SLC25A13: variants seen among roughly 807,000 people sequenced by gnomAD.
SLC25A13 encodes electrogenic aspartate/glutamate antiporter SLC25A13, mitochondrial.
In SLC25A13, 70 loss-of-function variants were observed where a neutral mutation model predicts 85.5. The observed-to-expected ratio is 0.82, with a 90% CI of 0.68 to 1.00. SLC25A13 has a LOEUF of 1.00. Among genes scored for constraint, SLC25A13 ranks in the 50% least tolerant of loss-of-function variants. The pLI, the probability that SLC25A13 is intolerant of heterozygous loss-of-function variation, is 0.00. For missense variants in SLC25A13, 765 were observed against 819.8 expected (o/e 0.93, Z 0.82); for synonymous variants, 259 against 288.7 (o/e 0.90, Z 1.04).
chr7:96,137,075 CT>C (rs1792318223), intron 14 of SLC25A13, among the ~76,000 whole-genome samples: 1 of 152,176 alleles, frequency 6.6e-6, no homozygotes. Flanking sequence ...TTCCTCTTGG[CT>C]TCCCCCAAGC....
At chr7:96,223,102 T>C (rs1210004266) in intron 4 of SLC25A13, among the ~76,000 whole-genome samples, 1 of 151,148 alleles carries the variant, frequency 6.6e-6, no homozygotes, top group African/African-American at 2.4e-5. Context: ...AAAAAAAAGC[T>C]CATTTAGACG....
chr7:96,150,248 T>C (rs923402961), intron 13 of SLC25A13, among the ~76,000 whole-genome samples: 16 of 152,076 alleles, frequency 1.1e-4, no homozygotes, highest in Non-Finnish European at 1.8e-4. Context: ...CAAATATTTA[T>C]AAGCAATTCA....
intron 4 of SLC25A13, among the ~76,000 whole-genome samples, chr7:96,215,835 T>C (rs1369165726): frequency 6.6e-6 from 1 of 151,980 alleles, no homozygotes; most frequent in African/African-American, 2.4e-5. Context: ...AATTTAAAAC[T>C]TTATACTCCA....
rs146059829 is a variant in SLC25A13, at chr7:96,196,119, C to T, written c.469-2936G>A. ...TGTAAAACCAACTGAATGAACAAAT[C>T]GTGAGCTATTGAACAATGGGAGGTT... On this transcript the variant is annotated intron_variant, in intron 5 of 17. Coordinates refer to ENST00000265631, the MANE Select transcript of SLC25A13 (RefSeq NM_014251.3). Among the ~76,000 whole-genome samples the T allele has an allele frequency of 3.9e-4, 60 of 152,268 alleles. No individual in the cohort carries two copies. In the East Asian group the frequency reaches 9.5e-3, roughly 24 times the overall value.
intron 2 of SLC25A13, among the ~76,000 whole-genome samples, chr7:96,296,517 G>A (rs1204085953): frequency 3.4e-5 from 5 of 147,666 alleles, no homozygotes; most frequent in Non-Finnish European, 5.9e-5. Context: ...GTCTTGCTCT[G>A]TCGCCCAGGC....
At chr7:96,251,727 T>G (rs1797436202) in intron 3 of SLC25A13, among the ~76,000 whole-genome samples, 1 of 152,216 alleles carries the variant, frequency 6.6e-6, no homozygotes, top group South Asian at 2.1e-4. Context: ...TTTTTTTGCT[T>G]TACTTAATAA....
At chr7:96,209,526 G>T (rs1036740191) in intron 4 of SLC25A13, among the ~76,000 whole-genome samples, 2 of 151,974 alleles carry the variant, frequency 1.3e-5, no homozygotes, top group Non-Finnish European at 2.9e-5. Context: ...ACACTTTATC[G>T]AGCTGCACGT....
At chr7:96,173,743 A>G (rs1794103007) in intron 11 of SLC25A13, among the ~76,000 whole-genome samples, 1 of 152,170 alleles carries the variant, frequency 6.6e-6, no homozygotes, top group African/African-American at 2.4e-5. Context: ...CTAAGCAACT[A>G]TAACATCTAA....
chr7:96,141,455 T>A (rs1396626685), intron 14 of SLC25A13, among the ~76,000 whole-genome samples: 2 of 152,152 alleles, frequency 1.3e-5, no homozygotes, highest in African/African-American at 4.8e-5. Context: ...GTGTGTTGAG[T>A]GAGTGAATTA....
In SLC25A13 at chr7:96,190,006, G is replaced by A. The variant is rs367611415; in HGVS notation, c.755-332C>T. 9.2e-5 allele frequency among the ~76,000 whole-genome samples: 14 copies of A among 151,882 alleles called. No individual in the cohort carries two copies. In the South Asian group the frequency reaches 1.9e-3, roughly 20 times the overall value. ...GAAGTTATATTAATCTAATTAACTG[G>A]TTAAATTAGGATTATTAATTATATT... On this transcript the variant is annotated intron_variant, in intron 7 of 17. Transcript: ENST00000265631.
At chr7:96,179,339 G>A (rs1794336666) in intron 11 of SLC25A13, among the ~76,000 whole-genome samples, 1 of 152,130 alleles carries the variant, frequency 6.6e-6, no homozygotes, top group Non-Finnish European at 1.5e-5. Context: ...TATCATTTTT[G>A]AGGTGTGGAA....
intron 11 of SLC25A13, among the ~76,000 whole-genome samples, chr7:96,183,027 A>G (rs1254840553): frequency 6.6e-6 from 1 of 152,198 alleles, no homozygotes; most frequent in East Asian, 1.9e-4. Flanking sequence ...AAGCCATTTC[A>G]TTTGCAAAGT....
At chr7:96,176,822 T>G (rs1794240540) in intron 11 of SLC25A13, among the ~76,000 whole-genome samples, 1 of 152,178 alleles carries the variant, frequency 6.6e-6, no homozygotes, top group Non-Finnish European at 1.5e-5. Flanking sequence ...TTTAAACTAA[T>G]TTTAGGCTAT....
chr7:96,282,473 G>T (rs1181811149), intron 2 of SLC25A13, among the ~76,000 whole-genome samples: 3 of 151,998 alleles, frequency 2.0e-5, no homozygotes, highest in African/African-American at 7.2e-5. Context: ...GCACACAACA[G>T]GTCACTGCAT....
intron 13 of SLC25A13, among the ~76,000 whole-genome samples, chr7:96,158,955 A>G (rs1244762814): frequency 6.6e-6 from 1 of 152,250 alleles, no homozygotes; most frequent in African/African-American, 2.4e-5. Flanking sequence ...CTATTATTGT[A>G]TGCAGAGCTC....
At chr7:96,285,528 C>T (rs937039799) in intron 2 of SLC25A13, among the ~76,000 whole-genome samples, 4 of 152,138 alleles carry the variant, frequency 2.6e-5, no homozygotes, top group African/African-American at 4.8e-5. Flanking sequence ...TGTTCCTTGT[C>T]GCCTCTCCAA....
chr7:96,257,475 T>C (rs944196071), intron 3 of SLC25A13, among the ~76,000 whole-genome samples: 5 of 152,270 alleles, frequency 3.3e-5, no homozygotes, highest in South Asian at 4.1e-4. Flanking sequence ...AAGAAATGGA[T>C]AAATTCCTGG....
chr7:96,232,058 C>T (rs1037872803), intron 4 of SLC25A13, among the ~76,000 whole-genome samples: 3 of 152,098 alleles, frequency 2.0e-5, no homozygotes, highest in African/African-American at 7.2e-5. Flanking sequence ...ACAGAATTAT[C>T]CTTCAACCCA....
rs1792042530 is a variant in SLC25A13, at chr7:96,131,803, A to G, written c.1531T>C (p.Phe511Leu). The G allele has an allele frequency of 1.2e-6, 2 of 1,614,014 alleles. No individual in the cohort carries two copies. Among genetic ancestry groups the G allele is most frequent in the Non-Finnish European group, 1.7e-6 (2 of 1,180,030 alleles). Residue 511 changes from phenylalanine to leucine, a missense_variant, in exon 15 of 18, where the codon TTT (phenylalanine) becomes CTT (leucine). Physicochemically the swap from Phe to Leu is conservative, Grantham distance 22. Transcript: ENST00000265631. ...CTAACCTGCCCATCTTCATTTGCAA[A>G]GGAAGCCTTCACATGAGCATAGCAC... Reference protein sequence around the residue: ...FPCYAHVKASFANEDGQVSPG... With the variant: ...FPCYAHVKASLANEDGQVSPG...
Sources: gnomAD v4.1 joint callset for allele counts (sites outside exome capture counted in the v4.1 genomes callset) on GRCh38, gnomAD v4.1.1 for gene constraint, MANE v1.5 for transcripts, NCBI Gene and HGNC (gene_info 2026-07-23, HGNC 2026-07-21) for gene names.